MIB1: variants seen among roughly 807,000 people sequenced by gnomAD.
MIB1 encodes MIB E3 ubiquitin protein ligase 1, also known as E3 ubiquitin-protein ligase MIB1.
A neutral mutation model predicts 124.5 loss-of-function variants in MIB1; 278 were observed. That is an observed-to-expected ratio of 2.23 (90% CI 2.02 to 2.47). The LOEUF (loss-of-function observed/expected upper bound fraction) is 2.47, where lower values mean the gene tolerates loss of function less well. MIB1 is among the 30% of genes most tolerant of loss of function. The pLI, the probability that MIB1 is intolerant of heterozygous loss-of-function variation, is 0.00. For missense variants in MIB1, 957 were observed against 1,254.4 expected (o/e 0.76, Z 3.58); for synonymous variants, 446 against 429.4 (o/e 1.04, Z -0.48).
chr18:21,804,607 G>A (rs2041684218), intron 10 of MIB1, among the ~76,000 whole-genome samples: 1 of 152,150 alleles, frequency 6.6e-6, no homozygotes, highest in Non-Finnish European at 1.5e-5. Context: ...AGGATGTCTT[G>A]CTTTGTCTTA....
chr18:21,843,816 C>T (rs2042111922), intron 14 of MIB1, among the ~76,000 whole-genome samples: 1 of 152,140 alleles, frequency 6.6e-6, no homozygotes, highest in Admixed American at 6.5e-5. Context: ...AAATATCCCT[C>T]CGTTATCATC....
intron 1 of MIB1, among the ~76,000 whole-genome samples, chr18:21,723,172 C>T (rs1023325656): frequency 2.6e-5 from 4 of 151,960 alleles, no homozygotes; most frequent in Admixed American, 1.3e-4. Flanking sequence ...TTTTGTTTTT[C>T]GAATTCTTCC....
chr18:21,721,159 G>GTTTGTTTTTTTTTTTTTT, intron 1 of MIB1, among the ~76,000 whole-genome samples: 1 of 29,758 alleles, frequency 3.4e-5, no homozygotes, highest in Non-Finnish European at 7.4e-5. Context: ...TTTTAAAGAA[G>GTTTGTTTTTTTTTTTTTT]TTTTTTTTTT....
intron 1 of MIB1, among the ~76,000 whole-genome samples, chr18:21,742,354 GA>G (rs1229787991): frequency 1.3e-5 from 2 of 151,334 alleles, no homozygotes; most frequent in African/African-American, 4.9e-5. Flanking sequence ...TGGGACTCTG[GA>G]ATGATTTTTC....
intron 1 of MIB1, among the ~76,000 whole-genome samples, chr18:21,760,172 TTAA>T (rs2041082153): frequency 6.6e-6 from 1 of 152,090 alleles, no homozygotes; most frequent in African/African-American, 2.4e-5. Context: ...ATGGATCCAG[TTAA>T]GGAATTAAAT....
intron 17 of MIB1, among the ~76,000 whole-genome samples, chr18:21,852,119 T>TAAA (rs1213784363): frequency 3.9e-5 from 6 of 152,230 alleles, no homozygotes; most frequent in Non-Finnish European, 8.8e-5. Flanking sequence ...TCTTTATTGT[T>TAAA]TAGATAAATA....
Position 21,870,701 on chromosome 18 carries a change from T to C in MIB1, c.*6035T>C, listed in dbSNP as rs1387465681. 6.6e-6 allele frequency: 1 copy of C among 152,220 alleles called. No homozygotes were observed. The highest frequency in any genetic ancestry group is 1.5e-5 in the Non-Finnish European group (1 of 68,040). The allele number at this position is 152,220 out of a possible 1,614,324, so 9.4% of individuals were successfully genotyped here. ...ATATAAGCACTTATTTCTGAAGTTA[T>C]TGAGAGGTCATCTAGCTCCAGTTCA... On this transcript the variant is annotated 3_prime_UTR_variant, in exon 21 of 21. Transcript: ENST00000261537.
At chr18:21,832,078 A>C (rs963336166) in intron 12 of MIB1, among the ~76,000 whole-genome samples, 2 of 152,196 alleles carry the variant, frequency 1.3e-5, no homozygotes, top group African/African-American at 4.8e-5. Flanking sequence ...GTGGAGAGAC[A>C]TCATCAAGGG....
chr18:21,794,590 T>A (rs1446586570), intron 7 of MIB1, among the ~76,000 whole-genome samples: 1 of 152,006 alleles, frequency 6.6e-6, no homozygotes, highest in African/African-American at 2.4e-5. Context: ...TGAAACTAAA[T>A]TTTGAAGGGG....
At chr18:21,812,020 A>G (rs1469510315) in intron 10 of MIB1, among the ~76,000 whole-genome samples, 11 of 152,212 alleles carry the variant, frequency 7.2e-5, no homozygotes, top group Non-Finnish European at 1.0e-4. Context: ...ACACAGTCAT[A>G]GCCCCCAAGA....
intron 9 of MIB1, among the ~76,000 whole-genome samples, chr18:21,802,058 A>G (rs920587678): frequency 6.6e-6 from 1 of 152,178 alleles, no homozygotes; most frequent in Non-Finnish European, 1.5e-5. Flanking sequence ...CTTCACAATT[A>G]AGTTTTAGAT....
At chr18:21,816,091 A>G (rs1254717309) in intron 11 of MIB1, among the ~76,000 whole-genome samples, 3 of 152,332 alleles carry the variant, frequency 2.0e-5, no homozygotes, top group East Asian at 3.9e-4. Context: ...TTTATTGATC[A>G]TGACAGTGAG....
rs2042331599 is a variant in MIB1, at chr18:21,867,949, A to G, written c.*3283A>G. 1 of 152,106 alleles carries G rather than the reference A, an allele frequency of 6.6e-6. No individual in the cohort carries two copies. Among genetic ancestry groups the G allele is most frequent in the African/African-American group, 2.4e-5 (1 of 41,446 alleles). The allele number at this position is 152,106 out of a possible 1,614,324, so 9.4% of individuals were successfully genotyped here. ...GATAGGAAAGGAAAGTCAGCATTTGAGTGTAGAGAAAAAAAGAGGATCATA... is the reference window on the plus strand; with the variant it reads ...GATAGGAAAGGAAAGTCAGCATTTGGGTGTAGAGAAAAAAAGAGGATCATA... On this transcript the variant is annotated 3_prime_UTR_variant, in exon 21 of 21. Transcript: ENST00000261537.
Position 21,741,643 on chromosome 18 carries a change from C to T in MIB1, c.60C>T (p.Arg20=), listed in dbSNP as rs147910898. Reference sequence around the variant, plus strand: ...AAGGGGTTGGCGCTCGGGTAGTGCGCGGCCCGGACTGGAAGTGGGGGAAGC... The same window carrying T: ...AAGGGGTTGGCGCTCGGGTAGTGCGTGGCCCGGACTGGAAGTGGGGGAAGC... ...MVEGVGARVV[R]GPDWKWGKQD... is the part of the protein sequence containing the mutation. The change falls in exon 1 of 21, where the codon CGC becomes CGT. Residue 20 remains arginine (R), a synonymous_variant. Transcript: ENST00000261537. The surrounding 1 kb of genome is among the most constrained non-coding windows in gnomAD (Gnocchi z 5.4). 3.8e-4 allele frequency: 610 copies of T among 1,609,580 alleles called. 1 individual carries two copies. The highest frequency in any genetic ancestry group is 4.8e-4 in the Non-Finnish European group (567 of 1,178,772).
At chr18:21,847,178 G>A in intron 16 of MIB1, 53 bp downstream of exon 16, 1 of 1,471,328 alleles carries the variant, frequency 6.8e-7, no homozygotes, top group East Asian at 2.4e-5. Flanking sequence ...AAAATATCAT[G>A]TGGTTTCGTA....
At chr18:21,767,947 A>G (rs1267246992) in intron 2 of MIB1, among the ~76,000 whole-genome samples, 3 of 152,170 alleles carry the variant, frequency 2.0e-5, no homozygotes, top group Non-Finnish European at 4.4e-5. Flanking sequence ...CCAATACAGA[A>G]GACTATCAGT....
At chr18:21,863,744 G>T (rs2042296780) in intron 20 of MIB1, among the ~76,000 whole-genome samples, 1 of 152,134 alleles carries the variant, frequency 6.6e-6, no homozygotes, top group Non-Finnish European at 1.5e-5. Flanking sequence ...GGTGGCTCAT[G>T]CCTGTAATCC....
intron 7 of MIB1, among the ~76,000 whole-genome samples, chr18:21,792,088 C>T (rs1305833029): frequency 1.3e-5 from 2 of 152,192 alleles, no homozygotes; most frequent in African/African-American, 2.4e-5. Flanking sequence ...CCTTCCCTTT[C>T]CCTGTCTGTA....
intron 12 of MIB1, among the ~76,000 whole-genome samples, chr18:21,835,294 A>G (rs1325189974): frequency 6.6e-6 from 1 of 152,140 alleles, no homozygotes; most frequent in Non-Finnish European, 1.5e-5. Context: ...GTGGGGTGGT[A>G]TAGAGAATAG....
Sources: gnomAD v4.1 joint callset for allele counts (sites outside exome capture counted in the v4.1 genomes callset) on GRCh38, gnomAD v4.1.1 for gene constraint, Gnocchi (gnomAD v3.1) non-coding constraint, MANE v1.5 for transcripts, NCBI Gene and HGNC (gene_info 2026-07-23, HGNC 2026-07-21) for gene names.